Variants in RTL4 observed in about 807,000 individuals in gnomAD.
The protein encoded by RTL4 is retrotransposon Gag-like protein 4.
In RTL4, 4 loss-of-function variants were observed where a neutral mutation model predicts 5.3. The ratio of observed to expected loss-of-function variants is 0.75; its 90% CI spans 0.37 to 1.72. RTL4 has a LOEUF of 1.72. Ranked by LOEUF, RTL4 falls within the 40% of genes most tolerant of loss-of-function variation. RTL4 has a pLI of 0.04. For synonymous variants in RTL4, 98 were observed against 87.3 expected, an observed-to-expected ratio of 1.12 and a Z score of -0.68; for missense variants, 260 against 227.1, an observed-to-expected ratio of 1.14 and a Z score of -0.93.
the RTL4 span, among the ~76,000 whole-genome samples, chrX:112,113,762 T>A: frequency 1.8e-5 from 2 of 111,783 alleles, no homozygotes; most frequent in African/African-American, 6.5e-5. Flanking sequence ...TGTTGGACAA[T>A]CTTTTTTAAA....
At chrX:112,371,810 A>T in the RTL4 span, among the ~76,000 whole-genome samples, 3 of 111,930 alleles carry the variant, frequency 2.7e-5, no homozygotes, top group East Asian at 8.4e-4. Context: ...ATTTGGCATG[A>T]AATATTTAGA....
At chrX:112,225,449 A>G in the RTL4 span, among the ~76,000 whole-genome samples, 23 of 111,803 alleles carry the variant, frequency 2.1e-4, no homozygotes, top group African/African-American at 5.2e-4. Context: ...TGCTTAATCA[A>G]TTGATTTTCT....
exon 1 of RTL4, chrX:112,455,472 A>G: frequency 1.7e-6 from 2 of 1,211,300 alleles, no homozygotes; most frequent in Non-Finnish European, 2.2e-6. Flanking sequence ...TTAGCCCCAC[A>G]GATCCACCAC....
the RTL4 span, among the ~76,000 whole-genome samples, chrX:112,308,965 T>C: frequency 2.7e-5 from 3 of 111,786 alleles, no homozygotes; most frequent in Non-Finnish European, 5.6e-5. Flanking sequence ...CAAATCTTCC[T>C]GGATTGTGTA....
At chrX:112,370,370 G>A in the RTL4 span, among the ~76,000 whole-genome samples, 4 of 111,027 alleles carry the variant, frequency 3.6e-5, no homozygotes, top group African/African-American at 3.3e-5. Context: ...TTCCTCTCAC[G>A]GTAACAACAG....
chrX:112,236,855 T>A, the RTL4 span, among the ~76,000 whole-genome samples: 1 of 111,145 alleles, frequency 9.0e-6, no homozygotes, highest in Non-Finnish European at 1.9e-5. Flanking sequence ...AGTTAAGCAT[T>A]TTGAGATGAG....
chrX:112,395,849 C>G, the RTL4 span, among the ~76,000 whole-genome samples: 1 of 111,111 alleles, frequency 9.0e-6, no homozygotes, highest in Non-Finnish European at 1.9e-5. Flanking sequence ...GACTTATAAC[C>G]CAATACAAAA....
the RTL4 span, among the ~76,000 whole-genome samples, chrX:112,305,456 G>A: frequency 2.7e-5 from 3 of 109,512 alleles, no homozygotes; most frequent in Non-Finnish European, 3.8e-5. Context: ...TCCACCTCCC[G>A]GGTTCACACC....
At chrX:112,447,733 C>A in the RTL4 span, among the ~76,000 whole-genome samples, 1 of 111,735 alleles carries the variant, frequency 8.9e-6, no homozygotes, top group Non-Finnish European at 1.9e-5. Context: ...TGGAATGTTA[C>A]CAATTATTAA....
chrX:112,346,543 G>C, the RTL4 span, among the ~76,000 whole-genome samples: 3 of 111,498 alleles, frequency 2.7e-5, no homozygotes. Context: ...TGAAATTGGA[G>C]TCACGAAGAA....
chrX:112,385,222 T>A, the RTL4 span, among the ~76,000 whole-genome samples: 1 of 110,149 alleles, frequency 9.1e-6, no homozygotes, highest in Non-Finnish European at 1.9e-5. Context: ...TGGTCTATAA[T>A]TTTTTTTTCT....
chrX:112,359,288 A>G, the RTL4 span, among the ~76,000 whole-genome samples: 1 of 111,295 alleles, frequency 9.0e-6, no homozygotes, highest in Non-Finnish European at 1.9e-5. Context: ...ACTTTTTGCT[A>G]TGAACAATCC....
At chrX:112,310,270 A>G in the RTL4 span, among the ~76,000 whole-genome samples, 2 of 89,461 alleles carry the variant, frequency 2.2e-5, no homozygotes, top group African/African-American at 8.3e-5. Flanking sequence ...CAGACAGCTT[A>G]CTTGTCTATC....
chrX:112,417,255 T>C, the RTL4 span, among the ~76,000 whole-genome samples: 1 of 111,854 alleles, frequency 8.9e-6, no homozygotes, highest in Non-Finnish European at 1.9e-5. Context: ...GAGAGAGGTA[T>C]TGTTGTGCCC....
At chrX:112,327,974 C>A in the RTL4 span, among the ~76,000 whole-genome samples, 1 of 106,287 alleles carries the variant, frequency 9.4e-6, no homozygotes, top group Non-Finnish European at 1.9e-5. Context: ...TTTGTCACCA[C>A]CAGGCCTGCC....
At chrX:112,447,630 T>C in the RTL4 span, among the ~76,000 whole-genome samples, 1 of 112,380 alleles carries the variant, frequency 8.9e-6, no homozygotes, top group African/African-American at 3.2e-5. Flanking sequence ...GAGGGAGTGT[T>C]GAATACATGC....
the RTL4 span, among the ~76,000 whole-genome samples, chrX:112,267,636 A>T: frequency 2.7e-5 from 3 of 111,486 alleles, no homozygotes; most frequent in African/African-American, 9.8e-5. Flanking sequence ...CCTTTTCCCT[A>T]GTTTGCAGAC....
chrX:112,347,234 A>AT, the RTL4 span, among the ~76,000 whole-genome samples: 7 of 110,659 alleles, frequency 6.3e-5, no homozygotes, highest in Admixed American at 2.9e-4. Context: ...AAACTCAACA[A>AT]TTTTTTTTTC....
chrX:112,381,838 G>A, the RTL4 span: 4 of 1,208,458 alleles, frequency 3.3e-6, no homozygotes, highest in Non-Finnish European at 4.5e-6. Context: ...TCCTCCAGGA[G>A]AAAAGATTAC....
Sources: gnomAD v4.1 joint callset for allele counts (sites outside exome capture counted in the v4.1 genomes callset) on GRCh38, gnomAD v4.1.1 for gene constraint, MANE v1.5 for transcripts, NCBI Gene and HGNC (gene_info 2026-07-23, HGNC 2026-07-21) for gene names.